MET: variants seen among roughly 807,000 people sequenced by gnomAD.
MET encodes MET proto-oncogene, receptor tyrosine kinase.
A neutral mutation model predicts 133.1 loss-of-function variants in MET; 48 were observed. The ratio of observed to expected loss-of-function variants is 0.36; its 90% confidence interval spans 0.29 to 0.46. MET has a LOEUF of 0.46. Ranked by LOEUF, MET falls within the 20% of genes least tolerant of loss-of-function variation. The pLI, the probability that MET is intolerant of heterozygous loss-of-function variation, is 1.00. For missense variants in MET, 1,442 were observed against 1,695.9 expected (o/e 0.85, Z 2.63); for synonymous variants, 628 against 616.5 (o/e 1.02, Z -0.28).
intron 19 of MET, among the ~76,000 whole-genome samples, chr7:116,786,445 A>T (rs1562937410): frequency 6.6e-6 from 1 of 152,242 alleles, no homozygotes; most frequent in African/African-American, 2.4e-5. Context: ...AACTACATAT[A>T]TAAAGTGAAA....
chr7:116,743,478 C>T (rs529190112), intron 5 of MET, among the ~76,000 whole-genome samples: 6 of 152,356 alleles, frequency 3.9e-5, no homozygotes, highest in African/African-American at 1.4e-4. Context: ...GATGCACTGG[C>T]TTCAAATTCT....
Position 116,796,052 on chromosome 7 carries a change from T to C in MET, c.4101T>C (p.Ser1367=). The change falls in exon 21 of 21, where the codon TCT becomes TCC. Residue 1367 remains serine (S), a synonymous_variant. Coordinates refer to ENST00000397752, the MANE Select transcript of MET (RefSeq NM_000245.4). ...VNVKCVAPYP[S]LLSSEDNADD... ...TAAAATGTGTCGCTCCGTATCCTTCTCTGTTGTCATCAGAAGATAACGCTG... is the reference window on the plus strand; with the variant it reads ...TAAAATGTGTCGCTCCGTATCCTTCCCTGTTGTCATCAGAAGATAACGCTG... 6.2e-7 allele frequency: 1 copy of C among 1,614,046 alleles called. No homozygotes were observed. The highest frequency in any genetic ancestry group is 8.5e-7 in the Non-Finnish European group (1 of 1,179,930).
At chr7:116,678,034 C>T (rs1796223210) in intron 1 of MET, among the ~76,000 whole-genome samples, 1 of 152,062 alleles carries the variant, frequency 6.6e-6, no homozygotes, top group Non-Finnish European at 1.5e-5. Context: ...TGAACTTCAC[C>T]CGTTGTTATT....
Position 116,693,654 on chromosome 7 carries a change from T to C in MET, c.-14-5417T>C, listed in dbSNP as rs572458221. Among the ~76,000 whole-genome samples, 69 of 152,314 alleles carry C rather than the reference T, an allele frequency of 4.5e-4. 2 individuals are homozygous for C. Among genetic ancestry groups the C allele is most frequent in the Admixed American group, 4.2e-3 (64 of 15,300 alleles). On this transcript the variant is annotated intron_variant, in intron 1 of 20. Coordinates refer to ENST00000397752, the MANE Select transcript of MET (RefSeq NM_000245.4). Reference sequence around the variant, plus strand: ...TTTCTGTCCTAGTTAAGTTCCCCTTTAAGGGCCTCCATAGACATTTCTACA... The same window carrying C: ...TTTCTGTCCTAGTTAAGTTCCCCTTCAAGGGCCTCCATAGACATTTCTACA...
chr7:116,725,577 A>G (rs1792717590), intron 2 of MET, among the ~76,000 whole-genome samples: 1 of 151,354 alleles, frequency 6.6e-6, no homozygotes, highest in Non-Finnish European at 1.5e-5. Flanking sequence ...CAAACATCAT[A>G]GAGTGTACTT....
At chr7:116,752,575 G>A (rs1048698840) in intron 5 of MET, among the ~76,000 whole-genome samples, 2 of 152,176 alleles carry the variant, frequency 1.3e-5, no homozygotes, top group African/African-American at 4.8e-5. Flanking sequence ...GAAGGGTAAA[G>A]GTTACCCCAT....
At chr7:116,768,879 T>G (rs1436861547) in intron 11 of MET, among the ~76,000 whole-genome samples, 1 of 152,172 alleles carries the variant, frequency 6.6e-6, no homozygotes, top group East Asian at 1.9e-4. Context: ...ACGTTGATAT[T>G]TTTAAAATGC....
At chr7:116,771,454 C>T (rs750956494) in intron 12 of MET, 44 bp from the exon 13 acceptor site, 2 of 1,611,930 alleles carry the variant, frequency 1.2e-6, no homozygotes, top group Non-Finnish European at 1.7e-6. Flanking sequence ...GTACAAATAT[C>T]TATCATGGCT....
At chr7:116,714,502 T>C (rs1792117408) in intron 2 of MET, among the ~76,000 whole-genome samples, 1 of 152,082 alleles carries the variant, frequency 6.6e-6, no homozygotes, top group South Asian at 2.1e-4. Context: ...TTTTTCCTAG[T>C]CTTAGAGGAT....
In MET at chr7:116,720,104, G is replaced by T. The variant is rs1445335059; in HGVS notation, c.1201-11564G>T. Reference sequence around the variant, plus strand: ...GCAGTATGGCCATTTTCACGATATGGATTCTTCCTACCCATGAGCATGTTC... The same window carrying T: ...GCAGTATGGCCATTTTCACGATATGTATTCTTCCTACCCATGAGCATGTTC... On this transcript the variant is annotated intron_variant, in intron 2 of 20. Coordinates refer to ENST00000397752, the MANE Select transcript of MET (RefSeq NM_000245.4). 2.6e-5 allele frequency among the ~76,000 whole-genome samples: 4 copies of T among 152,142 alleles called. 1 individual carries two copies. Among genetic ancestry groups the T allele is most frequent in the Admixed American group, 2.6e-4 (4 of 15,272 alleles).
At position 116,672,555 on chromosome 7, in the gene MET, C is replaced by T. The variant is rs1796012428; in HGVS notation, c.-37C>T. 1 of 395,816 alleles carries T rather than the reference C, an allele frequency of 2.5e-6. No individual in the cohort carries two copies. The highest frequency in any genetic ancestry group is 2.1e-5 in the African/African-American group (1 of 48,510). 24.5% of individuals were successfully genotyped at this position (395,816 alleles called of 1,614,324 possible). A position where few individuals can be genotyped will look rare whatever the true frequency, so the allele number is the denominator to read the frequency against. ...GTGGTCCTTGCGCCGCTGACTTCTC[C>T]ACTGGTTCCTGGGCACCGAAAGGTA... is the stretch of plus-strand genomic sequence containing the variant. On this transcript the variant is annotated 5_prime_UTR_variant, in exon 1 of 21. Transcript: ENST00000397752.
intron 3 of MET, among the ~76,000 whole-genome samples, chr7:116,734,467 A>G (rs946485581): frequency 2.0e-5 from 3 of 152,254 alleles, no homozygotes; most frequent in African/African-American, 7.2e-5. Context: ...TTGATTAGAA[A>G]GAATTATATT....
rs557025386 is a variant in MET at position 116,725,024 on chromosome 7, G to C, written c.1201-6644G>C. On this transcript the variant is annotated intron_variant, in intron 2 of 20. Transcript: ENST00000397752. ...TGGGGTAGAACCAGCCTTGGCCCAT[G>C]GGCATGCTCATTCTTCTTTTAGACA... Among the ~76,000 whole-genome samples, 8 of 152,300 alleles carry C rather than the reference G, an allele frequency of 5.3e-5. No individual in the cohort carries two copies. In the East Asian group the frequency reaches 5.8e-4, roughly 11 times the overall value.
At chr7:116,700,738 A>G (rs1791547831) in intron 2 of MET, among the ~76,000 whole-genome samples, 1 of 152,218 alleles carries the variant, frequency 6.6e-6, no homozygotes, top group Non-Finnish European at 1.5e-5. Flanking sequence ...ATTGTTCCTT[A>G]TGAGATTATA....
intron 1 of MET, among the ~76,000 whole-genome samples, chr7:116,697,329 T>G (rs1796999159): frequency 2.0e-5 from 3 of 152,168 alleles, no homozygotes; most frequent in Non-Finnish European, 4.4e-5. Flanking sequence ...TCTTGTTACC[T>G]CATTATGGGA....
Position 116,775,087 on chromosome 7 carries a change from C to T in MET, c.3235C>T (p.His1079Tyr), listed in dbSNP as rs2117032152. Residue 1079 changes from histidine to tyrosine, a missense_variant, in exon 15 of 21, where the codon CAT (histidine) becomes TAT (tyrosine). This residue lies in a region of MET where 514 missense variants were observed against 659.6 expected (regional missense o/e 0.78). Coordinates refer to ENST00000397752, the MANE Select transcript of MET (RefSeq NM_000245.4). ...GATTGGGCCCAGTAGCCTGATTGTG[C>T]ATTTCAATGAAGTCATAGGAAGAGG... ...VVIGPSSLIV[H>Y]FNEVIGRGHF... 6.2e-7 allele frequency: 1 copy of T among 1,614,162 alleles called. No homozygotes were observed. Among genetic ancestry groups the T allele is most frequent in the South Asian group, 1.1e-5 (1 of 91,086 alleles).
chr7:116,786,638 T>C (rs1322364607), intron 19 of MET, among the ~76,000 whole-genome samples: 1 of 152,184 alleles, frequency 6.6e-6, no homozygotes, highest in Non-Finnish European at 1.5e-5. Context: ...GGAGCACAGG[T>C]GTTGAATGGA....
In MET at chr7:116,699,682, A is replaced by G. The variant is rs1791491463; in HGVS notation, c.598A>G (p.Thr200Ala). 3.7e-6 allele frequency: 6 copies of G among 1,614,026 alleles called. No individual in the cohort carries two copies. In the East Asian group the frequency reaches 1.3e-4, roughly 36 times the overall value. ...GTTCATCAACTTCTTTGTAGGCAAT[A>G]CCATAAATTCTTCTTATTTCCCAGA... ...DRFINFFVGN[T>A]INSSYFPDHP... is the part of the protein sequence containing the mutation. Residue 200 changes from threonine (T) to alanine (A), a missense_variant, in exon 2 of 21, where the codon ACC (threonine) becomes GCC (alanine). Coordinates refer to ENST00000397752, the MANE Select transcript of MET (RefSeq NM_000245.4).
chr7:116,776,623 G>T (rs1323286905), intron 15 of MET, among the ~76,000 whole-genome samples: 1 of 152,164 alleles, frequency 6.6e-6, no homozygotes, highest in Non-Finnish European at 1.5e-5. Flanking sequence ...TTAGTAGAGG[G>T]CAGCCTAATG....
Sources: allele counts gnomAD v4.1 joint callset (sites outside exome capture counted in the v4.1 genomes callset), GRCh38; gene constraint gnomAD v4.1.1; regional missense constraint gnomAD v4.1.1; transcripts MANE v1.5; gene names NCBI Gene and HGNC (gene_info 2026-07-23, HGNC 2026-07-21).